The following PPP2R3B variants were observed in gnomAD, a reference collection of about 807,000 sequenced individuals.
PPP2R3B encodes the protein serine/threonine-protein phosphatase 2A regulatory subunit B'' subunit beta.
A neutral mutation model predicts 72.9 loss-of-function variants in PPP2R3B; 68 were observed. The observed-to-expected ratio is 0.93, with a 90% CI of 0.77 to 1.14. The LOEUF is 1.14. Ranked by LOEUF, PPP2R3B falls within the 50% of genes most tolerant of loss-of-function variation. The pLI, the probability that PPP2R3B is intolerant of heterozygous loss-of-function variation, is 0.00. For missense variants in PPP2R3B, 1,018 were observed against 842.0 expected, an observed-to-expected ratio of 1.21 and a Z score of -2.59; for synonymous variants, 466 against 375.8, an observed-to-expected ratio of 1.24 and a Z score of -2.78.
chrX:363,952 A>G (rs192771997), intron 1 of PPP2R3B, among the ~76,000 whole-genome samples: 9 of 152,392 alleles, frequency 5.9e-5, no homozygotes, highest in Admixed American at 3.9e-4. Context: ...AACCCTGGAC[A>G]GAATAGTTGA....
chrX:344,216 ATTGAGACCTCACCAAC>A (rs2071144783), intron 7 of PPP2R3B, among the ~76,000 whole-genome samples: 4 of 95,444 alleles, frequency 4.2e-5, no homozygotes, highest in Non-Finnish European at 4.8e-5. Flanking sequence ...GGGAGGCGGG[ATTGAGACCTCACCAAC>A]GGGAGGCCGG....
chrX:341,363 G>A lies in PPP2R3B; in HGVS notation c.1119C>T (p.Ser373=). The A allele has an allele frequency of 1.2e-6, 2 of 1,612,752 alleles. No homozygotes were observed. Among genetic ancestry groups the A allele is most frequent in the East Asian group, 2.2e-5 (1 of 44,880 alleles). The part of the protein sequence containing the change: ...GRKVQKEGKI[S]YADFVWFLIS... ...TCAAAAACCAGACAAAGTCGGCATA[G>A]CTGATCTTCCCTTCCTTCTGCACTT... is the stretch of plus-strand genomic sequence containing the variant. Residue 373 remains serine, a synonymous_variant, in exon 9 of 13, where the codon AGC becomes AGT. Transcript: ENST00000390665.
At chrX:379,275 G>A (rs2072070696) in intron 1 of PPP2R3B, among the ~76,000 whole-genome samples, 1 of 149,020 alleles carries the variant, frequency 6.7e-6, no homozygotes, top group Non-Finnish European at 1.5e-5. Flanking sequence ...GTATGTGTAT[G>A]CACCTGTGTG....
At chrX:385,274 T>C (rs2072220506) in intron 1 of PPP2R3B, among the ~76,000 whole-genome samples, 1 of 151,216 alleles carries the variant, frequency 6.6e-6, no homozygotes, top group Non-Finnish European at 1.5e-5. Flanking sequence ...TCAGCATAAA[T>C]TCCCGTCTCA....
chrX:338,757 C>A, intron 11 of PPP2R3B, 21 bp downstream of exon 11: 1 of 1,611,928 alleles, frequency 6.2e-7, no homozygotes, highest in Non-Finnish European at 8.5e-7. Context: ...GCGGCCCGGC[C>A]CGCGTGCCCG....
chrX:370,950 C>T (rs950774251), intron 1 of PPP2R3B, among the ~76,000 whole-genome samples: 2 of 152,086 alleles, frequency 1.3e-5, no homozygotes, highest in East Asian at 1.9e-4. Context: ...GTGGGGACGC[C>T]GGACAGTGTC....
chrX:342,034 G>C, intron 7 of PPP2R3B, 103 bp from the exon 8 acceptor site: 1 of 1,438,646 alleles, frequency 7.0e-7, no homozygotes. Context: ...GAAAAGCTGA[G>C]AGGACGCCTG....
chrX:372,666 A>G (rs2124354411), intron 1 of PPP2R3B, among the ~76,000 whole-genome samples: 1 of 152,344 alleles, frequency 6.6e-6, no homozygotes, highest in African/African-American at 2.4e-5. Flanking sequence ...ACTGAGATTA[A>G]ATTTCAAAGC....
At chrX:361,296 C>T in intron 2 of PPP2R3B, 109 bp downstream of exon 2, 3 of 1,238,992 alleles carry the variant, frequency 2.4e-6, no homozygotes, top group Non-Finnish European at 3.4e-6. Context: ...CTCGGCCGTG[C>T]CGCCTCACTC....
In PPP2R3B at chrX:368,905, G is replaced by A. The variant is rs1490202100; in HGVS notation, c.325-7315C>T. ...CCTGGGCACCGACGGGGGGAAAGCC[G>A]GGACCACCCACCATGGGCACTAATA... On this transcript the variant is annotated intron_variant, in intron 1 of 12. Transcript: ENST00000390665. 1.1e-4 allele frequency among the ~76,000 whole-genome samples: 17 copies of A among 151,910 alleles called. 1 individual carries two copies. The highest frequency in any genetic ancestry group is 4.6e-4 in the Admixed American group (7 of 15,246).
chrX:365,174 C>G (rs1376260797), intron 1 of PPP2R3B, among the ~76,000 whole-genome samples: 1 of 68,738 alleles, frequency 1.5e-5, no homozygotes, highest in Non-Finnish European at 3.0e-5. Flanking sequence ...GATCGCACTA[C>G]TGCACTCCAG....
chrX:386,762 C>T lies in PPP2R3B; in HGVS notation c.-71G>A. On this transcript the variant is annotated 5_prime_UTR_variant, in exon 1 of 13. Transcript: ENST00000390665. ...CCGCCCCGGGGGCTTCGGTCCGCCC[C>T]GGACCGACCTCGGTGATGCGAGCAC... 5 of 1,019,980 alleles carry T rather than the reference C, an allele frequency of 4.9e-6. No homozygotes were observed. Among genetic ancestry groups the T allele is most frequent in the Non-Finnish European group, 6.1e-6 (5 of 813,166 alleles). The allele number at this position is 1,019,980 out of a possible 1,614,324, so 63.2% of individuals were successfully genotyped here. A position where few individuals can be genotyped will look rare whatever the true frequency, so the allele number is the denominator to read the frequency against.
rs1325134205 is a variant in PPP2R3B at position 370,418 on chromosome X, C to T, written c.325-8828G>A. 5.3e-5 allele frequency among the ~76,000 whole-genome samples: 8 copies of T among 152,224 alleles called. No homozygotes were observed. In the East Asian group the frequency reaches 1.2e-3, roughly 22 times the overall value. ...CTGGCGCCTGCAGCCACGGCTGCAG[C>T]GAGGCGTGAGTCTCCACAGAGCTCG... On this transcript the variant is annotated intron_variant, in intron 1 of 12. Coordinates refer to ENST00000390665, the MANE Select transcript of PPP2R3B (RefSeq NM_013239.5).
chrX:383,837 C>CAA (rs757960788), intron 1 of PPP2R3B, among the ~76,000 whole-genome samples: 909 of 45,534 alleles, frequency 0.02, 116 homozygotes, highest in Non-Finnish European at 0.027. Flanking sequence ...GACTCCGTCT[C>CAA]AAAAAAAAAA....
Position 341,921 on chromosome X carries a change from G to C in PPP2R3B, c.1047C>G (p.Thr349=). The change falls in exon 8 of 13, where the codon ACC becomes ACG. Residue 349 remains threonine (T), a synonymous_variant. Coordinates refer to ENST00000390665, the MANE Select transcript of PPP2R3B (RefSeq NM_013239.5). ...CTGAGAAGATCCTGTCTATCATCTT[G>C]GTAGAAAGGGCTGGAAAGGAATGCG... is the stretch of plus-strand genomic sequence containing the variant. ...LARHNDHALS[T]KMIDRIFSGA... 1 of 1,612,728 alleles carries C rather than the reference G, an allele frequency of 6.2e-7. No homozygotes were observed. The highest frequency in any genetic ancestry group is 8.5e-7 in the Non-Finnish European group (1 of 1,179,762).
At position 345,664 on chromosome X, in the gene PPP2R3B, C is replaced by T. The variant is rs775271828; in HGVS notation, c.888G>A (p.Ala296=). ...TGATGTCCGCCTCCTCCTCCAGCAG[C>T]GCCACATTCTGCCAAAGGACCCAGG... ...LRRSSFLQNV[A]LLEEEADINQ... The change falls in exon 7 of 13, where the codon GCG becomes GCA. Residue 296 remains alanine, a synonymous_variant. Transcript: ENST00000390665. The T allele has an allele frequency of 8.7e-6, 14 of 1,612,370 alleles. No individual in the cohort carries two copies. In the Admixed American group the frequency reaches 1.0e-4, roughly 12 times the overall value.
intron 2 of PPP2R3B, among the ~76,000 whole-genome samples, chrX:359,147 T>C (rs1300884171): frequency 9.2e-5 from 14 of 151,912 alleles, no homozygotes; most frequent in Admixed American, 8.5e-4. Context: ...GCAGAGACCC[T>C]GTGGGTGGGG....
intron 3 of PPP2R3B, 46 bp downstream of exon 3, chrX:347,544 C>T (rs373435030): frequency 7.1e-5 from 108 of 1,523,068 alleles, no homozygotes; most frequent in South Asian, 1.9e-4. Flanking sequence ...GACCCGGGGA[C>T]GCCTCCGCCC....
intron 2 of PPP2R3B, among the ~76,000 whole-genome samples, chrX:352,390 G>A (rs1191412720): frequency 3.9e-5 from 6 of 152,218 alleles, no homozygotes; most frequent in African/African-American, 1.2e-4. Context: ...CTACGGCGAC[G>A]GCCCCCAGGC....
Sources: gnomAD v4.1 joint callset for allele counts (sites outside exome capture counted in the v4.1 genomes callset) on GRCh38, gnomAD v4.1.1 for gene constraint, MANE v1.5 for transcripts, NCBI Gene and HGNC (gene_info 2026-07-23, HGNC 2026-07-21) for gene names.